Variants in SEMA5A observed in about 807,000 individuals in gnomAD.
The protein encoded by SEMA5A is semaphorin-5A.
In SEMA5A, 55 loss-of-function variants were observed where a neutral mutation model predicts 135.5. The observed-to-expected ratio is 0.41, with a 90% CI of 0.33 to 0.51. SEMA5A has a LOEUF of 0.51. Among genes scored for constraint, SEMA5A ranks in the 20% least tolerant of loss-of-function variants. The probability of loss-of-function intolerance (pLI) is 0.37; values close to 1 mark genes in which losing one functional copy is unlikely to be tolerated. For missense variants in SEMA5A, 1,290 were observed against 1,419.9 expected (o/e 0.91, Z 1.47); for synonymous variants, 580 against 546.5 (o/e 1.06, Z -0.85).
chr5:9,369,237 T>C (rs1043991344), intron 3 of SEMA5A, among the ~76,000 whole-genome samples: 2 of 152,190 alleles, frequency 1.3e-5, no homozygotes, highest in African/African-American at 4.8e-5. Flanking sequence ...AATATGTGTA[T>C]CTCTGTGTGT....
At chr5:9,079,036 T>C (rs1738226384) in intron 16 of SEMA5A, among the ~76,000 whole-genome samples, 2 of 152,094 alleles carry the variant, frequency 1.3e-5, no homozygotes, top group African/African-American at 4.8e-5. Context: ...TAAAAATAAA[T>C]GTGAATCGCA....
At chr5:9,314,920 C>T (rs1295789528) in intron 5 of SEMA5A, among the ~76,000 whole-genome samples, 1 of 152,066 alleles carries the variant, frequency 6.6e-6, no homozygotes, top group Non-Finnish European at 1.5e-5. Context: ...GTAGACTAAG[C>T]TCTCACCACG....
intron 16 of SEMA5A, among the ~76,000 whole-genome samples, chr5:9,072,304 T>A (rs190752924): frequency 2.6e-4 from 39 of 152,186 alleles, no homozygotes; most frequent in African/African-American, 9.2e-4. Context: ...AGGCACAGGC[T>A]AGAGACTGAG....
intron 2 of SEMA5A, among the ~76,000 whole-genome samples, chr5:9,384,571 C>CATAGATAG (rs1170217920): frequency 6.2e-5 from 5 of 80,436 alleles, no homozygotes; most frequent in Non-Finnish European, 1.0e-4. Flanking sequence ...TAGATAGATA[C>CATAGATAG]ATAGATAGAT....
At chr5:9,328,862 G>C (rs2150696367) in intron 4 of SEMA5A, among the ~76,000 whole-genome samples, 1 of 151,804 alleles carries the variant, frequency 6.6e-6, no homozygotes, top group Non-Finnish European at 1.5e-5. Flanking sequence ...CTACACTCTT[G>C]AAAGGCCTGT....
chr5:9,127,226 G>A (rs957570717), intron 13 of SEMA5A, among the ~76,000 whole-genome samples: 2 of 152,232 alleles, frequency 1.3e-5, no homozygotes, highest in Non-Finnish European at 2.9e-5. Context: ...TGCAAAGGCT[G>A]TTCCAGAGGT....
In SEMA5A at chr5:9,054,135, G is replaced by A. The variant is rs370084841; in HGVS notation, c.2641C>T (p.Leu881=). ...AGTGCCTCTTCTGTGTGCAGCCCCAGGCAGATGTCCCCTCCATAGGCCGGG... is the reference window on the plus strand; with the variant it reads ...AGTGCCTCTTCTGTGTGCAGCCCCAAGCAGATGTCCCCTCCATAGGCCGGG... ...PAPAYGGDIC[L]GLHTEEALCN... Residue 881 remains leucine (L), a synonymous_variant, in exon 19 of 23, where the codon CTG becomes TTG. Transcript: ENST00000382496. The A allele has an allele frequency of 5.0e-6, 8 of 1,613,736 alleles. No individual in the cohort carries two copies. Among genetic ancestry groups the A allele is most frequent in the African/African-American group, 2.7e-5 (2 of 74,868 alleles).
chr5:9,175,778 C>T (rs530249939), intron 11 of SEMA5A, among the ~76,000 whole-genome samples: 141 of 152,338 alleles, frequency 9.3e-4, no homozygotes, highest in Admixed American at 7.0e-3. Flanking sequence ...GGAACAGCCT[C>T]GTAATTGGAG....
chr5:9,505,823 CTT>C (rs1045876522), intron 1 of SEMA5A, among the ~76,000 whole-genome samples: 2 of 152,190 alleles, frequency 1.3e-5, no homozygotes, highest in Non-Finnish European at 2.9e-5. Flanking sequence ...TCTTTGTTGT[CTT>C]TGACTTTCTG....
chr5:9,232,114 C>A (rs1747662437), intron 6 of SEMA5A, among the ~76,000 whole-genome samples: 1 of 152,168 alleles, frequency 6.6e-6, no homozygotes, highest in Non-Finnish European at 1.5e-5. Flanking sequence ...AGGCCCCAGC[C>A]CCAGCAGAGA....
At chr5:9,480,072 G>T (rs551862571) in intron 1 of SEMA5A, among the ~76,000 whole-genome samples, 1 of 145,000 alleles carries the variant, frequency 6.9e-6, no homozygotes, top group African/African-American at 2.5e-5. Context: ...GTTGCTGGGG[G>T]CTGCCCTGTG....
In SEMA5A at chr5:9,041,476, A is replaced by AAATT. The variant is rs1242221042; in HGVS notation, c.*1417_*1420dup. The AAATT allele has an allele frequency of 6.6e-6, 1 of 152,094 alleles. No homozygotes were observed. Among genetic ancestry groups the AAATT allele is most frequent in the Non-Finnish European group, 1.5e-5 (1 of 68,026 alleles). 9.4% of individuals were successfully genotyped at this position (152,094 alleles called of 1,614,324 possible). On this transcript the variant is annotated 3_prime_UTR_variant, in exon 23 of 23. Coordinates refer to ENST00000382496, the MANE Select transcript of SEMA5A (RefSeq NM_003966.3). Reference sequence around the variant, plus strand: ...GGTTATGTATTGGTTGTTTGTGAGAAAATTATATATTTTTTTCCAGGGACC... The same window carrying AAATT: ...GGTTATGTATTGGTTGTTTGTGAGAAAATTAATTATATATTTTTTTCCAGGGACC...
At chr5:9,366,845 C>A (rs1241546548) in intron 3 of SEMA5A, among the ~76,000 whole-genome samples, 2 of 152,146 alleles carry the variant, frequency 1.3e-5, no homozygotes, top group African/African-American at 2.4e-5. Context: ...ATATAGTAGC[C>A]CTATGGGCTC....
chr5:9,254,328 C>T lies in SEMA5A; in HGVS notation c.271-16438G>A, dbSNP rs913201167. On this transcript the variant is annotated intron_variant, in intron 5 of 22. Coordinates refer to ENST00000382496, the MANE Select transcript of SEMA5A (RefSeq NM_003966.3). The stretch of plus-strand genomic sequence containing the variant: ...CTGTAAGAACACAGAGAGAAAAACA[C>T]GTTTGTAGAGAAGATGGAGGATTAC... Among the ~76,000 whole-genome samples the T allele has an allele frequency of 2.6e-4, 40 of 152,058 alleles. 1 individual carries two copies. Among genetic ancestry groups the T allele is most frequent in the African/African-American group, 8.2e-4 (34 of 41,410 alleles).
At chr5:9,102,853 C>T (rs979580111) in intron 16 of SEMA5A, among the ~76,000 whole-genome samples, 5 of 152,276 alleles carry the variant, frequency 3.3e-5, no homozygotes, top group Admixed American at 6.5e-5. Flanking sequence ...CTTTTTAAAA[C>T]TTGAGTAAAA....
At chr5:9,458,186 C>T (rs916936954) in intron 1 of SEMA5A, among the ~76,000 whole-genome samples, 5 of 151,578 alleles carry the variant, frequency 3.3e-5, no homozygotes, top group Non-Finnish European at 5.9e-5. Context: ...GGATTACAGG[C>T]GTGAGCCACC....
At chr5:9,422,513 G>T (rs1290680991) in intron 2 of SEMA5A, 2 of 152,146 alleles carry the variant, frequency 1.3e-5, no homozygotes, top group African/African-American at 2.4e-5. Flanking sequence ...TTTAAAAATT[G>T]TAGGTAGTAT....
At chr5:9,172,966 T>C (rs189374339) in intron 11 of SEMA5A, among the ~76,000 whole-genome samples, 160 of 152,358 alleles carry the variant, frequency 1.1e-3, no homozygotes, top group Admixed American at 2.0e-3. Flanking sequence ...CTTTCAAACA[T>C]AGCTGAGCTT....
At chr5:9,274,580 T>G (rs974869741) in intron 5 of SEMA5A, among the ~76,000 whole-genome samples, 1 of 152,112 alleles carries the variant, frequency 6.6e-6, no homozygotes, top group Non-Finnish European at 1.5e-5. Context: ...CGTAAGTGGA[T>G]GTAAAACACT....
Sources: gnomAD v4.1 joint callset for allele counts (sites outside exome capture counted in the v4.1 genomes callset) on GRCh38, gnomAD v4.1.1 for gene constraint, MANE v1.5 for transcripts, NCBI Gene and HGNC (gene_info 2026-07-23, HGNC 2026-07-21) for gene names.